IRAK2: variants seen among roughly 807,000 people sequenced by gnomAD.
IRAK2 encodes the protein interleukin-1 receptor-associated kinase-like 2.
A neutral mutation model predicts 72.0 loss-of-function variants in IRAK2; 57 were observed. That is an observed-to-expected ratio of 0.79 (90% CI 0.64 to 0.99). The LOEUF is 0.99. Among genes scored for constraint, IRAK2 ranks in the 50% least tolerant of loss-of-function variants. The probability of loss-of-function intolerance (pLI) is 0.00; values close to 1 mark genes in which losing one functional copy is unlikely to be tolerated. For missense variants in IRAK2, 790 were observed against 794.4 expected (o/e 0.99, Z 0.07); for synonymous variants, 293 against 312.7 (o/e 0.94, Z 0.67).
chr3:10,212,763 CTT>C (rs543464447), intron 4 of IRAK2, among the ~76,000 whole-genome samples: 10 of 125,936 alleles, frequency 7.9e-5, no homozygotes, highest in Non-Finnish European at 1.1e-4. Context: ...TATCCATGTC[CTT>C]TTTTTTTTTT....
chr3:10,224,389 G>A lies in IRAK2; in HGVS notation c.1209+1558G>A, dbSNP rs1031189733. On this transcript the variant is annotated intron_variant, in intron 9 of 12. Transcript: ENST00000256458. Reference sequence around the variant, plus strand: ...CCAGGGGGATAGAACCCCTAGGCCCGGCTCAGTTACTTTCAGCTGTGTGAC... The same window carrying A: ...CCAGGGGGATAGAACCCCTAGGCCCAGCTCAGTTACTTTCAGCTGTGTGAC... Among the ~76,000 whole-genome samples the A allele has an allele frequency of 9.3e-5, 14 of 150,868 alleles. No individual in the cohort carries two copies. The East Asian group carries it at 2.0e-3, about 21-fold the overall frequency.
At chr3:10,206,560 G>GTTTTT (rs553797701) in intron 3 of IRAK2, among the ~76,000 whole-genome samples, 2 of 152,122 alleles carry the variant, frequency 1.3e-5, no homozygotes, top group African/African-American at 4.8e-5. Context: ...AAAATTTTTT[G>GTTTTT]TTTTTTGTTT....
At chr3:10,184,890 C>T (rs549601996) in intron 2 of IRAK2, among the ~76,000 whole-genome samples, 2 of 141,414 alleles carry the variant, frequency 1.4e-5, no homozygotes, top group Non-Finnish European at 3.0e-5. Context: ...CCACCATGCC[C>T]GGCTATTTTT....
intron 9 of IRAK2, among the ~76,000 whole-genome samples, 195 bp downstream of exon 9, chr3:10,223,026 T>C (rs1697721064): frequency 6.6e-6 from 1 of 152,202 alleles, no homozygotes; most frequent in Non-Finnish European, 1.5e-5. Context: ...AGGGTAGTTT[T>C]ACATTTATAA....
At chr3:10,215,982 A>C (rs1351700360) in intron 6 of IRAK2, among the ~76,000 whole-genome samples, 2 of 152,100 alleles carry the variant, frequency 1.3e-5, no homozygotes, top group African/African-American at 2.4e-5. Context: ...CAGTGGGGAG[A>C]CTGACATGTA....
rs188619227 is a variant in IRAK2, at chr3:10,192,437, C to T, written c.278-7932C>T. On this transcript the variant is annotated intron_variant, in intron 2 of 12. Coordinates refer to ENST00000256458, the MANE Select transcript of IRAK2 (RefSeq NM_001570.4). ...GGCCCAGGCCCCGTCAGCCAAAGGC[C>T]CAGCACCCATAAACATCCTTTAGTC... is the stretch of plus-strand genomic sequence containing the variant. Among the ~76,000 whole-genome samples, 27 of 152,304 alleles carry T rather than the reference C, an allele frequency of 1.8e-4. No individual in the cohort carries two copies. The East Asian group carries it at 4.4e-3, about 25-fold the overall frequency.
At chr3:10,199,700 T>G (rs1697324341) in intron 2 of IRAK2, among the ~76,000 whole-genome samples, 1 of 152,038 alleles carries the variant, frequency 6.6e-6, no homozygotes, top group Non-Finnish European at 1.5e-5. Flanking sequence ...CTTTCCCACA[T>G]GACACCCCAG....
At chr3:10,170,434 T>C (rs1172473538) in intron 1 of IRAK2, among the ~76,000 whole-genome samples, 1 of 152,222 alleles carries the variant, frequency 6.6e-6, no homozygotes, top group Non-Finnish European at 1.5e-5. Context: ...CCAAGGGTAT[T>C]ATTCTGTCTG....
chr3:10,187,555 G>C (rs1697096909), intron 2 of IRAK2, among the ~76,000 whole-genome samples: 1 of 152,198 alleles, frequency 6.6e-6, no homozygotes, highest in South Asian at 2.1e-4. Flanking sequence ...GGTCCAGCAA[G>C]ATACCCTGCT....
chr3:10,202,961 AT>A (rs1403102107), intron 3 of IRAK2, among the ~76,000 whole-genome samples: 3 of 151,706 alleles, frequency 2.0e-5, no homozygotes, highest in Admixed American at 6.6e-5. Flanking sequence ...AAGTGTTGGG[AT>A]TACAGGCATG....
chr3:10,236,897 T>C (rs1559454488), intron 11 of IRAK2, among the ~76,000 whole-genome samples: 2 of 152,240 alleles, frequency 1.3e-5, no homozygotes. Context: ...CCAGTGTTAA[T>C]GTGGCAGTGC....
chr3:10,210,067 A>T (rs1036776664), intron 4 of IRAK2, among the ~76,000 whole-genome samples: 1 of 151,908 alleles, frequency 6.6e-6, no homozygotes, highest in Non-Finnish European at 1.5e-5. Flanking sequence ...TTACAGGTGC[A>T]TGTCACCATG....
chr3:10,202,515 C>G lies in IRAK2; in HGVS notation c.424+2000C>G, dbSNP rs542759465. 1.3e-4 allele frequency among the ~76,000 whole-genome samples: 19 copies of G among 151,924 alleles called. No individual in the cohort carries two copies. The East Asian group carries it at 2.1e-3, about 17-fold the overall frequency. Reference sequence around the variant, plus strand: ...GCGGGTACATGTAGTCCCAGCTACGCGAGAGGCTGAGGCAGGAGAATCACT... The same window carrying G: ...GCGGGTACATGTAGTCCCAGCTACGGGAGAGGCTGAGGCAGGAGAATCACT... On this transcript the variant is annotated intron_variant, in intron 3 of 12. Coordinates refer to ENST00000256458, the MANE Select transcript of IRAK2 (RefSeq NM_001570.4).
At chr3:10,239,479 C>A (rs572168301) in intron 12 of IRAK2, among the ~76,000 whole-genome samples, 1 of 152,162 alleles carries the variant, frequency 6.6e-6, no homozygotes, top group South Asian at 2.1e-4. Flanking sequence ...GAGGCCGAGG[C>A]GGGTGGATCA....
In IRAK2 at chr3:10,187,692, C is replaced by T. The variant is rs566836340; in HGVS notation, c.277+9672C>T. ...TCTGATACGTCCTGCAGCAAAGAAA[C>T]TTATTTAGGCTATTGTTTCCCATTC... On this transcript the variant is annotated intron_variant, in intron 2 of 12. Coordinates refer to ENST00000256458, the MANE Select transcript of IRAK2 (RefSeq NM_001570.4). Among the ~76,000 whole-genome samples the T allele has an allele frequency of 1.4e-4, 21 of 152,324 alleles. No homozygotes were observed. In the South Asian group the frequency reaches 4.3e-3, roughly 32 times the overall value.
At chr3:10,169,588 A>C (rs1008589397) in intron 1 of IRAK2, among the ~76,000 whole-genome samples, 3 of 152,222 alleles carry the variant, frequency 2.0e-5, no homozygotes, top group African/African-American at 7.2e-5. Flanking sequence ...CCCCACAGGC[A>C]GTCAGACCTT....
At chr3:10,196,255 C>A (rs962722083) in intron 2 of IRAK2, among the ~76,000 whole-genome samples, 1 of 152,232 alleles carries the variant, frequency 6.6e-6, no homozygotes, top group Non-Finnish European at 1.5e-5. Flanking sequence ...GCTGGGACTA[C>A]AGGTGTGCAC....
At chr3:10,178,930 T>C (rs1346644050) in intron 2 of IRAK2, among the ~76,000 whole-genome samples, 1 of 152,128 alleles carries the variant, frequency 6.6e-6, no homozygotes, top group Non-Finnish European at 1.5e-5. Flanking sequence ...ACTTCCTGAG[T>C]AATTGGGACT....
intron 11 of IRAK2, among the ~76,000 whole-genome samples, chr3:10,236,101 T>C (rs1697953032): frequency 6.6e-6 from 1 of 152,054 alleles, no homozygotes; most frequent in Non-Finnish European, 1.5e-5. Context: ...GACCCCACCC[T>C]GTTGACCTTC....
Sources: allele counts gnomAD v4.1 joint callset (sites outside exome capture counted in the v4.1 genomes callset), GRCh38; gene constraint gnomAD v4.1.1; transcripts MANE v1.5; gene names NCBI Gene and HGNC (gene_info 2026-07-23, HGNC 2026-07-21).